Variants in RYR2 observed in about 807,000 individuals in gnomAD.
RYR2 encodes ryanodine receptor 2, also known as cardiac muscle ryanodine receptor-calcium release channel.
In RYR2, 227 loss-of-function variants were observed where a neutral mutation model predicts 601.1. That is an observed-to-expected ratio of 0.38 (90% CI 0.34 to 0.42). The LOEUF (loss-of-function observed/expected upper bound fraction) is 0.42, where lower values mean the gene tolerates loss of function less well. Among genes scored for constraint, RYR2 ranks in the 10% least tolerant of loss-of-function variants. The probability of loss-of-function intolerance (pLI) is 1.00; values close to 1 mark genes in which losing one functional copy is unlikely to be tolerated. For missense variants in RYR2, 4,646 were observed against 6,156.5 expected (o/e 0.75, Z 8.21); for synonymous variants, 2,223 against 2,175.1 (o/e 1.02, Z -0.61).
Position 237,702,011 on chromosome 1 carries a change from T to C in RYR2, c.9401T>C (p.Leu3134Pro). 6.2e-7 allele frequency: 1 copy of C among 1,608,754 alleles called. No individual in the cohort carries two copies. The highest frequency in any genetic ancestry group is 8.5e-7 in the Non-Finnish European group (1 of 1,175,352). ...GTCCAGGTGTCTTGTTATAGAATTC[T>C]GACTAGCTTATATGCTTTGGGAACC... ...EDVQVSCYRILTSLYALGTSK... is the reference protein window; with the variant it reads ...EDVQVSCYRIPTSLYALGTSK... Residue 3134 changes from leucine (L) to proline (P), a missense_variant, in exon 66 of 105, where the codon CTG becomes CCG. Physicochemically the swap from Leu to Pro is moderately conservative, Grantham distance 98 (BLOSUM62 -3). This residue lies in a region of RYR2 where 1,497 missense variants were observed against 1,842.6 expected (regional missense o/e 0.81). Coordinates refer to ENST00000366574, the MANE Select transcript of RYR2 (RefSeq NM_001035.3).
chr1:237,168,912 CA>C (rs1314920335), intron 1 of RYR2, among the ~76,000 whole-genome samples: 1 of 152,096 alleles, frequency 6.6e-6, no homozygotes, highest in Non-Finnish European at 1.5e-5. Flanking sequence ...CCATTTGAAA[CA>C]ATATGGTTAT....
chr1:237,358,332 T>C (rs937279478), intron 4 of RYR2, among the ~76,000 whole-genome samples: 2 of 152,132 alleles, frequency 1.3e-5, no homozygotes, highest in Non-Finnish European at 2.9e-5. Flanking sequence ...TGGGAAGCTG[T>C]TTCTTGCTTG....
At chr1:237,083,898 G>A (rs1454999610) in intron 1 of RYR2, among the ~76,000 whole-genome samples, 1 of 152,182 alleles carries the variant, frequency 6.6e-6, no homozygotes, top group African/African-American at 2.4e-5. Context: ...CAGTGTGTAT[G>A]TTATGCCCAC....
chr1:237,800,694 C>T (rs1659856594), intron 97 of RYR2, among the ~76,000 whole-genome samples: 1 of 152,178 alleles, frequency 6.6e-6, no homozygotes, highest in Admixed American at 6.5e-5. Context: ...GGGAAAGTTA[C>T]AATTTCTAGC....
chr1:237,246,462 G>A (rs980292941), intron 1 of RYR2, among the ~76,000 whole-genome samples: 2 of 152,114 alleles, frequency 1.3e-5, no homozygotes, highest in African/African-American at 4.8e-5. Context: ...TTAGCTGGGG[G>A]TTGCCAGTGC....
At position 237,793,977 on chromosome 1, in the gene RYR2, T is replaced by C. The variant is rs1658774097; in HGVS notation, c.13893T>C (p.Asp4631=). ...PSEDDIKGQW[D]RLVINTQSFP... ...AAGATGATATTAAAGGCCAGTGGGA[T>C]AGACTCGTAATCAACACACAGTGAG... The change falls in exon 95 of 105, where the codon GAT becomes GAC. Residue 4631 remains aspartate (D), a synonymous_variant. Transcript: ENST00000366574. 2 of 1,611,738 alleles carry C rather than the reference T, an allele frequency of 1.2e-6. No individual in the cohort carries two copies. Among genetic ancestry groups the C allele is most frequent in the Non-Finnish European group, 1.7e-6 (2 of 1,178,098 alleles).
At chr1:237,759,211 C>T (rs1184740852) in intron 82 of RYR2, among the ~76,000 whole-genome samples, 3 of 152,080 alleles carry the variant, frequency 2.0e-5, no homozygotes, top group Non-Finnish European at 2.9e-5. Flanking sequence ...CTCAGCCTCC[C>T]GAGTAGCTGG....
At chr1:237,122,905 A>G (rs1298543210) in intron 1 of RYR2, among the ~76,000 whole-genome samples, 1 of 152,206 alleles carries the variant, frequency 6.6e-6, no homozygotes, top group Non-Finnish European at 1.5e-5. Flanking sequence ...TTATTTAATT[A>G]AAAACCTTAT....
chr1:237,478,941 T>C (rs759832221), intron 17 of RYR2, among the ~76,000 whole-genome samples: 42 of 152,148 alleles, frequency 2.8e-4, no homozygotes, highest in Non-Finnish European at 5.0e-4. Flanking sequence ...ATAGAATAAC[T>C]CTCTCATGTA....
At chr1:237,145,079 GA>G (rs1673849460) in intron 1 of RYR2, among the ~76,000 whole-genome samples, 1 of 151,532 alleles carries the variant, frequency 6.6e-6, no homozygotes, top group African/African-American at 2.4e-5. Context: ...GGGGTTGGGG[GA>G]GCTAGGGGAG....
At chr1:237,195,287 C>T (rs1262871946) in intron 1 of RYR2, among the ~76,000 whole-genome samples, 3 of 152,120 alleles carry the variant, frequency 2.0e-5, no homozygotes, top group Non-Finnish European at 2.9e-5. Context: ...ACCAGTCGCT[C>T]GTGTTGCCCA....
At chr1:237,647,049 C>T (rs1219235413) in intron 48 of RYR2, among the ~76,000 whole-genome samples, 3 of 152,142 alleles carry the variant, frequency 2.0e-5, no homozygotes, top group South Asian at 2.1e-4. Flanking sequence ...GGCACAGCTA[C>T]GGTTTAAGAT....
At chr1:237,197,740 G>A (rs1432071892) in intron 1 of RYR2, among the ~76,000 whole-genome samples, 1 of 152,180 alleles carries the variant, frequency 6.6e-6, no homozygotes, top group Non-Finnish European at 1.5e-5. Context: ...AATGAATAGA[G>A]GTAGTGAACA....
intron 1 of RYR2, among the ~76,000 whole-genome samples, chr1:237,101,441 T>G (rs1189380630): frequency 6.6e-6 from 1 of 152,164 alleles, no homozygotes; most frequent in African/African-American, 2.4e-5. Context: ...TTCATCTGTA[T>G]TTATTTCTAT....
At chr1:237,492,523 T>TGATGC (rs1447739461) in intron 18 of RYR2, among the ~76,000 whole-genome samples, 2 of 152,154 alleles carry the variant, frequency 1.3e-5, no homozygotes, top group African/African-American at 4.8e-5. Context: ...CTGCTGATGC[T>TGATGC]TGATTCTGAA....
At chr1:237,542,509 C>T (rs1169756649) in intron 25 of RYR2, among the ~76,000 whole-genome samples, 3 of 152,134 alleles carry the variant, frequency 2.0e-5, no homozygotes, top group African/African-American at 7.2e-5. Context: ...CAGTCGTTGG[C>T]CATTCTCATC....
At chr1:237,341,439 A>G (rs1211631301) in intron 3 of RYR2, among the ~76,000 whole-genome samples, 1 of 152,152 alleles carries the variant, frequency 6.6e-6, no homozygotes, top group African/African-American at 2.4e-5. Flanking sequence ...CACAAAAGCA[A>G]AAACAACAAT....
At position 237,546,993 on chromosome 1, in the gene RYR2, ATATTTATT is replaced by A. The variant is rs71180099; in HGVS notation, c.2907-1415_2907-1408del. ...TTCAAAAGCATATATATATATATAT[ATATTTATT>A]TATTTATTTATTTATTTATTTAGAG... On this transcript the variant is annotated intron_variant, in intron 25 of 104. Coordinates refer to ENST00000366574, the MANE Select transcript of RYR2 (RefSeq NM_001035.3). 6.4e-4 allele frequency among the ~76,000 whole-genome samples: 81 copies of A among 127,302 alleles called. 1 individual carries two copies. The highest frequency in any genetic ancestry group is 3.2e-3 in the South Asian group (12 of 3,754). 83.5% of individuals were successfully genotyped at this position (127,302 alleles called of 152,430 possible).
intron 63 of RYR2, among the ~76,000 whole-genome samples, chr1:237,697,253 C>G (rs959392834): frequency 6.7e-6 from 1 of 149,976 alleles, no homozygotes; most frequent in Non-Finnish European, 1.5e-5. Context: ...AACCTCTGCT[C>G]AAATGCCGCC....
Sources: gnomAD v4.1 joint callset for allele counts (sites outside exome capture counted in the v4.1 genomes callset) on GRCh38, gnomAD v4.1.1 for gene constraint, gnomAD v4.1.1 regional missense constraint, MANE v1.5 for transcripts, NCBI Gene and HGNC (gene_info 2026-07-23, HGNC 2026-07-21) for gene names.